The following ARIH2 variants were observed in gnomAD, a reference collection of about 807,000 sequenced individuals.
The protein encoded by ARIH2 is E3 ubiquitin-protein ligase ARIH2.
ARIH2 carries 12 observed loss-of-function variants against 79.8 expected under a neutral mutation model. That is an observed-to-expected ratio of 0.15 (90% CI 0.10 to 0.24). ARIH2 has a LOEUF of 0.24. Among genes scored for constraint, ARIH2 ranks in the 10% least tolerant of loss-of-function variants. The pLI is 1.00. For synonymous variants in ARIH2, 224 were observed against 213.9 expected (o/e 1.05, Z -0.41); for missense variants, 301 against 618.3 (o/e 0.49, Z 5.44).
chr3:48,967,044 A>G lies in ARIH2; in HGVS notation c.388-81A>G, dbSNP rs1179952545. 4.1e-6 allele frequency: 6 copies of G among 1,459,260 alleles called. No individual in the cohort carries two copies. The Admixed American group carries it at 5.8e-5, about 14-fold the overall frequency. The allele number at this position is 1,459,260 out of a possible 1,614,324, so 90.4% of individuals were successfully genotyped here. On this transcript the variant is annotated intron_variant, in intron 5 of 15. Transcript: ENST00000356401. ...TGTTGCAGGGTGAGGATCACTTTCCATGCACCCGGCTGCATGAGGTACCCT... is the reference window on the plus strand; with the variant it reads ...TGTTGCAGGGTGAGGATCACTTTCCGTGCACCCGGCTGCATGAGGTACCCT...
At chr3:48,934,422 G>A (rs1170132677) in intron 3 of ARIH2, 1 of 983,248 alleles carries the variant, frequency 1.0e-6, no homozygotes, top group African/African-American at 1.8e-5. Context: ...ACCAATAATG[G>A]TTTGTTGTTG....
At chr3:48,944,081 G>T (rs1303730438) in intron 3 of ARIH2, among the ~76,000 whole-genome samples, 2 of 152,168 alleles carry the variant, frequency 1.3e-5, no homozygotes, top group African/African-American at 4.8e-5. Flanking sequence ...TTCTAGGAGG[G>T]GCAGTAACCA....
intron 3 of ARIH2, among the ~76,000 whole-genome samples, chr3:48,931,279 C>G (rs1359027785): frequency 6.6e-6 from 1 of 152,150 alleles, no homozygotes; most frequent in Non-Finnish European, 1.5e-5. Flanking sequence ...GGCGCAGTGG[C>G]TCACGCCTGT....
At position 48,918,879 on chromosome 3, in the gene ARIH2, G is replaced by A. The variant is rs774523567; in HGVS notation, c.-281G>A. ...ACGACTCTTCTGGAGGAAGCAGCGC[G>A]GGCTTGACCGGCGTCGGCCCGCCGC... On this transcript the variant is annotated 5_prime_UTR_variant, in exon 1 of 16. Coordinates refer to ENST00000356401, the MANE Select transcript of ARIH2 (RefSeq NM_006321.4). 4.4e-6 allele frequency: 7 copies of A among 1,608,166 alleles called. No individual in the cohort carries two copies. Among genetic ancestry groups the A allele is most frequent in the Non-Finnish European group, 5.9e-6 (7 of 1,179,040 alleles).
At chr3:48,953,467 G>A (rs1482835718) in intron 3 of ARIH2, among the ~76,000 whole-genome samples, 2 of 151,886 alleles carry the variant, frequency 1.3e-5, no homozygotes, top group African/African-American at 4.8e-5. Flanking sequence ...GCAGTGGTGC[G>A]ACCTCGGCTC....
intron 8 of ARIH2, among the ~76,000 whole-genome samples, chr3:48,973,033 G>T (rs2092322625): frequency 6.6e-6 from 1 of 152,194 alleles, no homozygotes; most frequent in Admixed American, 6.5e-5. Flanking sequence ...TATTTTATTT[G>T]TGCGTGTTAG....
At chr3:48,957,110 C>T (rs1350512804) in intron 3 of ARIH2, among the ~76,000 whole-genome samples, 1 of 152,214 alleles carries the variant, frequency 6.6e-6, no homozygotes, top group East Asian at 1.9e-4. Flanking sequence ...GCATATCTCC[C>T]TTCACATTGT....
intron 14 of ARIH2, 67 bp from the exon 15 acceptor site, chr3:48,982,829 C>G: frequency 1.7e-6 from 2 of 1,186,118 alleles, no homozygotes; most frequent in South Asian, 2.4e-5. Context: ...TGTGCCCACC[C>G]CCGTGTACAG....
chr3:48,969,116 GC>G (rs977292691), intron 7 of ARIH2, among the ~76,000 whole-genome samples: 1 of 151,444 alleles, frequency 6.6e-6, no homozygotes, highest in East Asian at 1.9e-4. Flanking sequence ...CTCATGATCT[GC>G]CCCCCTCGGC....
intron 3 of ARIH2, among the ~76,000 whole-genome samples, chr3:48,944,369 T>C: frequency 6.6e-6 from 1 of 152,222 alleles, no homozygotes; most frequent in Non-Finnish European, 1.5e-5. Context: ...AACCTTATAT[T>C]GAGTGAGGTC....
intron 2 of ARIH2, among the ~76,000 whole-genome samples, chr3:48,923,354 C>T (rs1305018915): frequency 1.3e-5 from 2 of 150,768 alleles, no homozygotes; most frequent in Middle Eastern, 3.2e-3. Flanking sequence ...GAGCTGAGAT[C>T]GTGCCACTGC....
In ARIH2 at chr3:48,921,234, G is replaced by A. The variant is rs1279270568; in HGVS notation, c.-161-1514G>A. ...CTCCCAAAGTGTTGGGATCACAGGCGTGAGCCACCGTGCCCGGCCCACTTT... is the reference window on the plus strand; with the variant it reads ...CTCCCAAAGTGTTGGGATCACAGGCATGAGCCACCGTGCCCGGCCCACTTT... On this transcript the variant is annotated intron_variant, in intron 1 of 15. Coordinates refer to ENST00000356401, the MANE Select transcript of ARIH2 (RefSeq NM_006321.4). Among the ~76,000 whole-genome samples the A allele has an allele frequency of 3.8e-5, 3 of 78,960 alleles. 1 individual carries two copies. Among genetic ancestry groups the A allele is most frequent in the African/African-American group, 1.2e-4 (3 of 25,428 alleles). 51.8% of individuals were successfully genotyped at this position (78,960 alleles called of 152,430 possible).
intron 3 of ARIH2, among the ~76,000 whole-genome samples, chr3:48,950,563 A>G (rs2089817346): frequency 6.6e-6 from 1 of 152,190 alleles, no homozygotes; most frequent in Non-Finnish European, 1.5e-5. Flanking sequence ...ATTTTATTAA[A>G]AAGCTTGTGA....
chr3:48,937,212 CT>C (rs965805638), intron 3 of ARIH2, among the ~76,000 whole-genome samples: 2 of 152,220 alleles, frequency 1.3e-5, no homozygotes, highest in Non-Finnish European at 2.9e-5. Flanking sequence ...CTAGCAGTTT[CT>C]TTTCCTGGTA....
intron 1 of ARIH2, 27 bp downstream of exon 1, chr3:48,919,025 T>A: frequency 7.2e-7 from 1 of 1,386,922 alleles, no homozygotes; most frequent in Non-Finnish European, 9.3e-7. Flanking sequence ...CGTCACGGCC[T>A]TGTTTACCTT....
rs200216731 is a variant in ARIH2, at chr3:48,968,587, T to C, written c.592T>C (p.Phe198Leu). 6.2e-7 allele frequency: 1 copy of C among 1,611,996 alleles called. No homozygotes were observed. Among genetic ancestry groups the C allele is most frequent in the Non-Finnish European group, 8.5e-7 (1 of 1,178,526 alleles). Residue 198 changes from phenylalanine to leucine, a missense_variant, in exon 7 of 16, where the codon TTT becomes CTT. Physicochemically the swap from Phe to Leu is conservative, Grantham distance 22. Around this residue, in one of 2 missense-constraint regions of ARIH2, gnomAD observed 223 missense variants for 349.4 expected, o/e 0.64. Coordinates refer to ENST00000356401, the MANE Select transcript of ARIH2 (RefSeq NM_006321.4). The stretch of plus-strand genomic sequence containing the variant: ...ACTCCGTACACCAGAGGACTTTGTG[T>C]TTCCATTGCTTCCCAATGAAGAATT... ...CPLRTPEDFV[F>L]PLLPNEELRE...
chr3:48,967,942 C>T (rs950359624), intron 6 of ARIH2: 4 of 151,846 alleles, frequency 2.6e-5, no homozygotes, highest in African/African-American at 9.7e-5. Context: ...TTCTTTTATG[C>T]AACTTGGATT....
chr3:48,962,418 A>G (rs1442597530), intron 4 of ARIH2, among the ~76,000 whole-genome samples: 2 of 151,738 alleles, frequency 1.3e-5, no homozygotes, highest in African/African-American at 4.8e-5. Context: ...TTTACCACCC[A>G]CCACCTCTAC....
intron 4 of ARIH2, 152 bp downstream of exon 4, chr3:48,961,831 A>C: frequency 1.7e-6 from 1 of 571,590 alleles, no homozygotes; most frequent in Non-Finnish European, 3.1e-6. Context: ...TCTTCTCTTA[A>C]TATGTTGTGA....
Sources: allele counts gnomAD v4.1 joint callset (sites outside exome capture counted in the v4.1 genomes callset), GRCh38; gene constraint gnomAD v4.1.1; regional missense constraint gnomAD v4.1.1; transcripts MANE v1.5; gene names NCBI Gene and HGNC (gene_info 2026-07-23, HGNC 2026-07-21).